Variants in USH2A observed in about 807,000 individuals in gnomAD.
USH2A encodes usherin, also known as Usher syndrome 2A (autosomal recessive, mild).
In USH2A, 443 loss-of-function variants were observed where a neutral mutation model predicts 538.9. That is an observed-to-expected ratio of 0.82 (90% CI 0.76 to 0.89). The LOEUF (loss-of-function observed/expected upper bound fraction) is 0.89, where lower values mean the gene tolerates loss of function less well. USH2A is among the 40% of genes least tolerant of loss of function. USH2A has a pLI of 0.00. For missense variants in USH2A, 6,633 were observed against 6,324.8 expected, an observed-to-expected ratio of 1.05 and a Z score of -1.65; for synonymous variants, 2,413 against 2,273.5, an observed-to-expected ratio of 1.06 and a Z score of -1.75.
intron 37 of USH2A, among the ~76,000 whole-genome samples, chr1:215,955,827 G>A (rs1400032355): frequency 6.6e-6 from 1 of 152,048 alleles, no homozygotes; most frequent in African/African-American, 2.4e-5. Flanking sequence ...CTATGATTTA[G>A]GAGTCACCTA....
At chr1:216,174,054 T>G in intron 21 of USH2A, 2 of 985,076 alleles carry the variant, frequency 2.0e-6, no homozygotes, top group Non-Finnish European at 2.4e-6. Context: ...TAGTTAATCA[T>G]GCATTAATCT....
At chr1:215,990,044 T>G (rs1217789503) in intron 35 of USH2A, among the ~76,000 whole-genome samples, 1 of 152,178 alleles carries the variant, frequency 6.6e-6, no homozygotes, top group East Asian at 1.9e-4. Flanking sequence ...TTGAAAGGGT[T>G]TATTTAGTTA....
intron 44 of USH2A, among the ~76,000 whole-genome samples, chr1:215,857,511 T>C (rs1412508712): frequency 6.6e-6 from 1 of 152,180 alleles, no homozygotes; most frequent in Non-Finnish European, 1.5e-5. Flanking sequence ...GAATTTATGC[T>C]GAGTGGGGTG....
intron 24 of USH2A, among the ~76,000 whole-genome samples, chr1:216,085,796 C>T (rs140818081): frequency 4.0e-4 from 61 of 150,722 alleles, no homozygotes; most frequent in African/African-American, 1.4e-3. Context: ...GAATGAAAAC[C>T]CTCTCTAATC....
intron 47 of USH2A, among the ~76,000 whole-genome samples, chr1:215,837,331 T>C (rs1663560947): frequency 6.6e-6 from 1 of 152,136 alleles, no homozygotes; most frequent in African/African-American, 2.4e-5. Flanking sequence ...AAAAGTATAA[T>C]GTGAAAGCAC....
At chr1:216,287,580 C>T (rs1374580600) in intron 11 of USH2A, among the ~76,000 whole-genome samples, 2 of 151,902 alleles carry the variant, frequency 1.3e-5, no homozygotes, top group African/African-American at 2.4e-5. Flanking sequence ...ACAGAACCAC[C>T]CAAGGTTGTC....
intron 35 of USH2A, among the ~76,000 whole-genome samples, chr1:215,991,040 C>T (rs1036233086): frequency 1.3e-5 from 2 of 152,078 alleles, no homozygotes; most frequent in African/African-American, 4.8e-5. Flanking sequence ...GGATTACAGG[C>T]GTGAGCCACC....
At chr1:216,342,292 C>G (rs1026708453) in intron 4 of USH2A, among the ~76,000 whole-genome samples, 1 of 152,034 alleles carries the variant, frequency 6.6e-6, no homozygotes, top group Non-Finnish European at 1.5e-5. Context: ...CCATGAGATA[C>G]TATCTCATTT....
intron 4 of USH2A, among the ~76,000 whole-genome samples, chr1:216,357,601 T>A (rs1291094065): frequency 1.3e-5 from 2 of 152,132 alleles, no homozygotes; most frequent in Non-Finnish European, 2.9e-5. Flanking sequence ...ATATTCACTT[T>A]AACAGACACT....
intron 30 of USH2A, among the ~76,000 whole-genome samples, chr1:216,061,666 G>A (rs950013586): frequency 9.2e-5 from 14 of 152,164 alleles, no homozygotes; most frequent in African/African-American, 3.4e-4. Context: ...ATTTTTTAAA[G>A]CTCCCCAGTT....
intron 61 of USH2A, among the ~76,000 whole-genome samples, chr1:215,694,215 A>G (rs558326223): frequency 5.9e-5 from 9 of 152,188 alleles, no homozygotes; most frequent in Non-Finnish European, 1.3e-4. Context: ...TGAATTACAA[A>G]TTCGCAACTC....
chr1:216,120,828 G>A (rs2033122889), intron 21 of USH2A, among the ~76,000 whole-genome samples: 1 of 151,964 alleles, frequency 6.6e-6, no homozygotes, highest in Non-Finnish European at 1.5e-5. Flanking sequence ...TGCAGTCTGG[G>A]CGACACAGTG....
intron 50 of USH2A, among the ~76,000 whole-genome samples, chr1:215,795,149 C>T (rs1662090039): frequency 6.6e-6 from 1 of 152,176 alleles, no homozygotes; most frequent in Non-Finnish European, 1.5e-5. Context: ...CTTTTGCCTA[C>T]TCAGATTTAT....
Position 215,952,047 on chromosome 1 carries a change from G to A in USH2A, c.7120+13270C>T, listed in dbSNP as rs1412099394. ...GCCCGGCTAATTTTTTGTCTTTTTAGTAGAGACGGGGTTTCACCTTGTTAG... is the reference window on the plus strand; with the variant it reads ...GCCCGGCTAATTTTTTGTCTTTTTAATAGAGACGGGGTTTCACCTTGTTAG... On this transcript the variant is annotated intron_variant, in intron 37 of 71. Transcript: ENST00000307340. Among the ~76,000 whole-genome samples, 18 of 150,092 alleles carry A rather than the reference G, an allele frequency of 1.2e-4. 1 individual carries two copies. The highest frequency in any genetic ancestry group is 9.3e-4 in the Admixed American group (14 of 15,026).
chr1:216,047,287 G>A (rs1485964570), intron 31 of USH2A, among the ~76,000 whole-genome samples: 1 of 152,092 alleles, frequency 6.6e-6, no homozygotes, highest in Non-Finnish European at 1.5e-5. Flanking sequence ...TTGGTATGAA[G>A]GGTACCAGGT....
rs35071811 is a variant in USH2A at position 215,782,390 on chromosome 1, T to TAA, written c.10586-196_10586-195dup. 0.36 allele frequency among the ~76,000 whole-genome samples: 54,994 copies of TAA among 151,822 alleles called. 10,280 individuals carry two copies. Among genetic ancestry groups the TAA allele is most frequent in the African/African-American group, 0.45 (18,669 of 41,358 alleles). On this transcript the variant is annotated intron_variant, in intron 53 of 71. Transcript: ENST00000307340. The stretch of plus-strand genomic sequence containing the variant: ...GGAGATGGATTCTTGACATAAATGA[T>TAA]AAGAGTCATTTATGTTTATTTCCTT...
At chr1:215,758,872 C>T (rs1219995839) in intron 57 of USH2A, 120 bp from the exon 58 acceptor site, 7 of 1,087,150 alleles carry the variant, frequency 6.4e-6, no homozygotes, top group Admixed American at 6.0e-5. Context: ...AAACTCTTTG[C>T]CCCCTTTCCA....
intron 57 of USH2A, 127 bp from the exon 58 acceptor site, chr1:215,758,879 T>C (rs929166396): frequency 1.0e-6 from 1 of 993,096 alleles, no homozygotes; most frequent in Non-Finnish European, 1.5e-6. Flanking sequence ...TTGCCCCCTT[T>C]CCAGAAACTT....
At chr1:216,091,567 A>C (rs931896987) in intron 22 of USH2A, among the ~76,000 whole-genome samples, 1 of 152,200 alleles carries the variant, frequency 6.6e-6, no homozygotes, top group Non-Finnish European at 1.5e-5. Context: ...TACTATGAAG[A>C]ATCTCCCTTT....
Sources: allele counts gnomAD v4.1 joint callset (sites outside exome capture counted in the v4.1 genomes callset), GRCh38; gene constraint gnomAD v4.1.1; transcripts MANE v1.5; gene names NCBI Gene and HGNC (gene_info 2026-07-23, HGNC 2026-07-21).